ATXN7L1: variants seen among roughly 807,000 people sequenced by gnomAD.
ATXN7L1 encodes ataxin-7-like protein 1.
ATXN7L1 carries 15 observed loss-of-function variants against 70.8 expected under a neutral mutation model. The observed-to-expected ratio is 0.21, with a 90% CI of 0.14 to 0.33. The LOEUF is 0.33. Among genes scored for constraint, ATXN7L1 ranks in the 10% least tolerant of loss-of-function variants. The probability of loss-of-function intolerance (pLI) is 1.00; values close to 1 mark genes in which losing one functional copy is unlikely to be tolerated. For synonymous variants in ATXN7L1, 440 were observed against 445.1 expected (o/e 0.99, Z 0.14); for missense variants, 975 against 1,097.1 (o/e 0.89, Z 1.57).
intron 3 of ATXN7L1, among the ~76,000 whole-genome samples, chr7:105,763,065 G>C (rs1296315680): frequency 6.6e-6 from 1 of 152,184 alleles, no homozygotes; most frequent in Non-Finnish European, 1.5e-5. Context: ...ACACAGCTGA[G>C]CCACTCCCAG....
At chr7:105,653,448 A>T (rs1441325786) in intron 4 of ATXN7L1, among the ~76,000 whole-genome samples, 2 of 152,198 alleles carry the variant, frequency 1.3e-5, no homozygotes, top group African/African-American at 4.8e-5. Context: ...ACTCTGTCTC[A>T]AACAAACAAA....
chr7:105,669,418 C>T (rs1211795631), intron 3 of ATXN7L1, among the ~76,000 whole-genome samples: 1 of 152,170 alleles, frequency 6.6e-6, no homozygotes, highest in African/African-American at 2.4e-5. Flanking sequence ...GAACAAGTTG[C>T]AGTGAGGGAA....
intron 3 of ATXN7L1, among the ~76,000 whole-genome samples, chr7:105,704,868 C>T (rs1233599454): frequency 6.6e-6 from 1 of 151,876 alleles, no homozygotes; most frequent in East Asian, 1.9e-4. Flanking sequence ...CCCTTGGCCT[C>T]CCAAAGTGCT....
chr7:105,633,442 G>C (rs1213975458), intron 7 of ATXN7L1, among the ~76,000 whole-genome samples: 1 of 152,192 alleles, frequency 6.6e-6, no homozygotes, highest in Non-Finnish European at 1.5e-5. Context: ...TGCAGGCTGG[G>C]TGCGGTGGCT....
intron 10 of ATXN7L1, 39 bp from the exon 11 acceptor site, chr7:105,610,642 C>T (rs988460156): frequency 6.5e-7 from 1 of 1,531,040 alleles, no homozygotes; most frequent in Non-Finnish European, 8.8e-7. Flanking sequence ...GACACACGAG[C>T]CAGCCTGGGA....
intron 3 of ATXN7L1, among the ~76,000 whole-genome samples, chr7:105,765,234 T>A (rs1206768297): frequency 1.5e-4 from 22 of 151,058 alleles, no homozygotes; most frequent in Admixed American, 1.5e-3. Flanking sequence ...CTCAGGAGGC[T>A]GAGGCAGGAG....
intron 2 of ATXN7L1, among the ~76,000 whole-genome samples, chr7:105,831,540 T>C (rs1475094143): frequency 6.6e-6 from 1 of 152,184 alleles, no homozygotes; most frequent in Admixed American, 6.5e-5. Flanking sequence ...TTTTGTTAAA[T>C]ATGGCAGGTT....
intron 3 of ATXN7L1, among the ~76,000 whole-genome samples, chr7:105,768,681 A>G (rs1360632865): frequency 6.6e-6 from 1 of 152,256 alleles, no homozygotes; most frequent in African/African-American, 2.4e-5. Flanking sequence ...TGAAATGACC[A>G]TAACTTTTGT....
At chr7:105,661,861 T>C (rs1801657013) in intron 4 of ATXN7L1, among the ~76,000 whole-genome samples, 1 of 152,196 alleles carries the variant, frequency 6.6e-6, no homozygotes, top group South Asian at 2.1e-4. Context: ...TCAGAATATT[T>C]ACCGACTTGC....
chr7:105,832,264 A>C (rs906396865), intron 2 of ATXN7L1, among the ~76,000 whole-genome samples: 4 of 152,190 alleles, frequency 2.6e-5, no homozygotes, highest in Admixed American at 6.5e-5. Context: ...TGGGGAGTAG[A>C]AATTGAGAAT....
intron 2 of ATXN7L1, among the ~76,000 whole-genome samples, chr7:105,790,155 G>A (rs1804925615): frequency 6.6e-6 from 1 of 152,176 alleles, no homozygotes; most frequent in South Asian, 2.1e-4. Flanking sequence ...GGGGGGCCTG[G>A]AGGAATTCGA....
intron 2 of ATXN7L1, among the ~76,000 whole-genome samples, chr7:105,862,141 T>C (rs1167338543): frequency 2.6e-5 from 4 of 152,114 alleles, no homozygotes; most frequent in Non-Finnish European, 5.9e-5. Flanking sequence ...CTTAAGCAAA[T>C]GTAACCAGTT....
chr7:105,689,664 G>C (rs930246487), intron 3 of ATXN7L1, among the ~76,000 whole-genome samples: 1 of 152,218 alleles, frequency 6.6e-6, no homozygotes, highest in South Asian at 2.1e-4. Context: ...GAGGCACGGG[G>C]AAGTGGAACA....
intron 3 of ATXN7L1, among the ~76,000 whole-genome samples, chr7:105,787,191 G>A (rs1263999970): frequency 6.6e-6 from 1 of 152,184 alleles, no homozygotes; most frequent in Non-Finnish European, 1.5e-5. Context: ...CTCCTTTCCT[G>A]CTCAGTCTGC....
chr7:105,792,202 T>G (rs1805353194), intron 2 of ATXN7L1, among the ~76,000 whole-genome samples: 2 of 152,212 alleles, frequency 1.3e-5, no homozygotes. Flanking sequence ...CCTCCAGGCC[T>G]TTCCCGTTGA....
At chr7:105,757,757 A>T (rs1256610461) in intron 3 of ATXN7L1, among the ~76,000 whole-genome samples, 2 of 144,108 alleles carry the variant, frequency 1.4e-5, no homozygotes, top group African/African-American at 5.1e-5. Context: ...TAATTTTGAC[A>T]TTTTTTTTTT....
intron 3 of ATXN7L1, among the ~76,000 whole-genome samples, chr7:105,700,485 G>A (rs573369472): frequency 3.6e-4 from 52 of 146,242 alleles, no homozygotes; most frequent in African/African-American, 1.3e-3. Flanking sequence ...CTCCAGCCTG[G>A]GTGACAGGGC....
At chr7:105,729,441 T>C (rs1035945085) in intron 3 of ATXN7L1, among the ~76,000 whole-genome samples, 2 of 151,202 alleles carry the variant, frequency 1.3e-5, no homozygotes, top group African/African-American at 4.9e-5. Context: ...TTTTTTTTTT[T>C]TTTTTTGAGG....
intron 3 of ATXN7L1, among the ~76,000 whole-genome samples, chr7:105,671,675 T>C (rs1217240819): frequency 1.3e-5 from 2 of 151,726 alleles, no homozygotes; most frequent in Admixed American, 6.6e-5. Flanking sequence ...GGCGGGTGGA[T>C]TGCTGGAGCT....
Sources: allele counts gnomAD v4.1 joint callset (sites outside exome capture counted in the v4.1 genomes callset), GRCh38; gene constraint gnomAD v4.1.1; transcripts MANE v1.5; gene names NCBI Gene and HGNC (gene_info 2026-07-23, HGNC 2026-07-21).